Variants in ZIM2 observed in about 807,000 individuals in gnomAD.
ZIM2 encodes zinc finger imprinted 2.
In ZIM2, 14 loss-of-function variants were observed where a neutral mutation model predicts 38.6. The ratio of observed to expected loss-of-function variants is 0.36; its 90% CI spans 0.24 to 0.57. ZIM2 has a LOEUF of 0.57. Ranked by LOEUF, ZIM2 falls within the 20% of genes least tolerant of loss-of-function variation. The pLI is 0.81. For synonymous variants in ZIM2, 247 were observed against 245.8 expected (o/e 1.00, Z -0.04); for missense variants, 680 against 695.1 (o/e 0.98, Z 0.24).
intron 10 of ZIM2, among the ~76,000 whole-genome samples, chr19:56,787,885 T>C (rs2046704165): frequency 6.6e-6 from 1 of 151,996 alleles, no homozygotes; most frequent in South Asian, 2.1e-4. Context: ...TAGAGGTGTT[T>C]ATAGTATTCT....
At chr19:56,780,017 T>C (rs2046243409) in intron 11 of ZIM2, among the ~76,000 whole-genome samples, 1 of 152,220 alleles carries the variant, frequency 6.6e-6, no homozygotes, top group African/African-American at 2.4e-5. Context: ...ATTTGTTTAC[T>C]GTCTGACTCC....
At chr19:56,836,969 CAAAAAAAAAAAA>C (rs573566620) in intron 1 of ZIM2, among the ~76,000 whole-genome samples, 5 of 116,990 alleles carry the variant, frequency 4.3e-5, no homozygotes, top group East Asian at 5.8e-4. Flanking sequence ...GACTCTGTCT[CAAAAAAAAAAAA>C]AAAAAAAAAA....
At chr19:56,813,175 T>C (rs1015581379) in intron 9 of ZIM2, 5 of 977,770 alleles carry the variant, frequency 5.1e-6, no homozygotes, top group Admixed American at 6.4e-5. Context: ...AAAAATATAA[T>C]CAAATTTGTT....
chr19:56,817,432 C>G, intron 9 of ZIM2: 2 of 1,614,024 alleles, frequency 1.2e-6, no homozygotes, highest in Non-Finnish European at 1.7e-6. Flanking sequence ...TCTCTGTGAC[C>G]GGTCGCTTGA....
At chr19:56,839,394 G>A (rs914918388) in intron 1 of ZIM2, among the ~76,000 whole-genome samples, 4 of 150,730 alleles carry the variant, frequency 2.7e-5, no homozygotes, top group African/African-American at 9.8e-5. Flanking sequence ...AACCTCAGCA[G>A]CCCCCATCAA....
At position 56,774,623 on chromosome 19, in the gene ZIM2, A is replaced by T. The variant is rs934084303; in HGVS notation, c.*65T>A. 1.9e-6 allele frequency: 3 copies of T among 1,544,144 alleles called. No homozygotes were observed. In the Admixed American group the frequency reaches 5.7e-5, roughly 30 times the overall value. On this transcript the variant is annotated 3_prime_UTR_variant, in exon 13 of 13. Coordinates refer to ENST00000629319, the MANE Select transcript of ZIM2 (RefSeq NM_001387356.1). ...TGGGGCTAGTGAAAGGCCTTCTCAC[A>T]CTCACAACACTCTAGGAGGAAGCCA...
chr19:56,817,926 A>G (rs2060130740), intron 8 of ZIM2, 88 bp from the exon 9 acceptor site: 1 of 1,008,610 alleles, frequency 9.9e-7, no homozygotes, highest in Admixed American at 2.0e-5. Context: ...TCACTGAGCC[A>G]CTAAATATGA....
rs2061040062 is a variant in ZIM2, at chr19:56,826,445, A to C, written c.-208T>G. The C allele has an allele frequency of 6.6e-6, 1 of 152,266 alleles. No homozygotes were observed. Among genetic ancestry groups the C allele is most frequent in the Admixed American group, 6.5e-5 (1 of 15,292 alleles). 9.4% of individuals were successfully genotyped at this position (152,266 alleles called of 1,614,324 possible). On this transcript the variant is annotated 5_prime_UTR_variant, in exon 3 of 13. Coordinates refer to ENST00000629319, the MANE Select transcript of ZIM2 (RefSeq NM_001387356.1). The stretch of plus-strand genomic sequence containing the variant: ...AGACCAAGCAGCTATCCACAGGAAC[A>C]GAGTCAAAACACAGGTATCTGCAGA...
chr19:56,828,562 C>A (rs934687701), intron 2 of ZIM2, among the ~76,000 whole-genome samples: 3 of 152,138 alleles, frequency 2.0e-5, no homozygotes, highest in African/African-American at 7.2e-5. Context: ...TGAAAGGCCA[C>A]CACGTGGGAG....
chr19:56,792,019 CAGG>C (rs895064458), intron 9 of ZIM2, among the ~76,000 whole-genome samples: 3 of 148,088 alleles, frequency 2.0e-5, no homozygotes, highest in Middle Eastern at 3.5e-3. Flanking sequence ...CAAGCAATCC[CAGG>C]AGTTTTTTTT....
chr19:56,833,202 G>A (rs977431583), intron 2 of ZIM2: 12 of 514,410 alleles, frequency 2.3e-5, no homozygotes, highest in East Asian at 5.5e-5. Flanking sequence ...AAAATCCACC[G>A]AGTCTCCTTC....
chr19:56,836,794 C>G (rs1348480886), intron 1 of ZIM2, among the ~76,000 whole-genome samples: 1 of 152,068 alleles, frequency 6.6e-6, no homozygotes, highest in Non-Finnish European at 1.5e-5. Context: ...AATGGCGAAA[C>G]CCCTGGTCTA....
chr19:56,802,133 A>T (rs1236714304), intron 9 of ZIM2, among the ~76,000 whole-genome samples: 1 of 152,220 alleles, frequency 6.6e-6, no homozygotes, highest in East Asian at 1.9e-4. Context: ...ACAGAGGCAG[A>T]TGGTCCAAGT....
At chr19:56,797,073 A>G (rs1187998686) in intron 9 of ZIM2, among the ~76,000 whole-genome samples, 1 of 152,034 alleles carries the variant, frequency 6.6e-6, no homozygotes, top group Non-Finnish European at 1.5e-5. Flanking sequence ...GCACTTTGGG[A>G]GGCTGAGGCA....
chr19:56,777,757 T>C (rs1176126722), intron 12 of ZIM2, among the ~76,000 whole-genome samples: 2 of 152,208 alleles, frequency 1.3e-5, no homozygotes, highest in East Asian at 3.8e-4. Context: ...ACAGCAAAGT[T>C]CTAAAATATC....
At chr19:56,779,087 G>T (rs539870379) in intron 12 of ZIM2, among the ~76,000 whole-genome samples, 32 of 152,174 alleles carry the variant, frequency 2.1e-4, no homozygotes, top group African/African-American at 7.7e-4. Context: ...TTTTTTGTTT[G>T]TCTCAGTTAA....
At chr19:56,837,960 A>G (rs566311895) in intron 1 of ZIM2, among the ~76,000 whole-genome samples, 1 of 152,296 alleles carries the variant, frequency 6.6e-6, no homozygotes, top group African/African-American at 2.4e-5. Context: ...CTATCAGACA[A>G]GACACACATG....
chr19:56,828,611 A>T (rs2061282653), intron 2 of ZIM2, among the ~76,000 whole-genome samples: 1 of 152,188 alleles, frequency 6.6e-6, no homozygotes, highest in African/African-American at 2.4e-5. Flanking sequence ...TCTGCACTAT[A>T]AAAACCAACC....
At chr19:56,813,278 C>G (rs1043477785) in intron 9 of ZIM2, 21 of 934,904 alleles carry the variant, frequency 2.2e-5, no homozygotes, top group Non-Finnish European at 2.4e-5. Context: ...CATATAAATC[C>G]AAATATATGT....
Sources: gnomAD v4.1 joint callset for allele counts (sites outside exome capture counted in the v4.1 genomes callset) on GRCh38, gnomAD v4.1.1 for gene constraint, MANE v1.5 for transcripts, NCBI Gene and HGNC (gene_info 2026-07-23, HGNC 2026-07-21) for gene names.